Variants in FILIP1L observed in about 807,000 individuals in gnomAD.
The protein encoded by FILIP1L is filamin A-interacting protein 1-like.
FILIP1L carries 55 observed loss-of-function variants against 96.6 expected under a neutral mutation model. The ratio of observed to expected loss-of-function variants is 0.57; its 90% CI spans 0.46 to 0.71. FILIP1L has a LOEUF of 0.71. Among genes scored for constraint, FILIP1L ranks in the 30% least tolerant of loss-of-function variants. FILIP1L has a pLI of 0.00. For synonymous variants in FILIP1L, 467 were observed against 473.9 expected, an observed-to-expected ratio of 0.99 and a Z score of 0.19; for missense variants, 1,304 against 1,321.2, an observed-to-expected ratio of 0.99 and a Z score of 0.20.
chr3:100,019,834 C>T (rs1346946617), intron 1 of FILIP1L, among the ~76,000 whole-genome samples: 1 of 152,076 alleles, frequency 6.6e-6, no homozygotes, highest in Non-Finnish European at 1.5e-5. Context: ...GACTTATTTT[C>T]ATTTTTTTAA....
chr3:100,018,409 T>G (rs1412643062), intron 1 of FILIP1L, among the ~76,000 whole-genome samples: 6 of 152,126 alleles, frequency 3.9e-5, no homozygotes, highest in Admixed American at 3.9e-4. Flanking sequence ...CCACAAAACT[T>G]CAGCATATTT....
At chr3:99,971,300 A>G (rs1708813231) in intron 1 of FILIP1L, among the ~76,000 whole-genome samples, 1 of 150,052 alleles carries the variant, frequency 6.7e-6, no homozygotes. Flanking sequence ...AGATCGTGCC[A>G]CTGCCCACCA....
At chr3:100,014,853 C>A in intron 1 of FILIP1L, among the ~76,000 whole-genome samples, 5 of 125,742 alleles carry the variant, frequency 4.0e-5, no homozygotes, top group Admixed American at 7.9e-5. Context: ...TCTGATGCAA[C>A]ACCATTTGTC....
At chr3:99,983,389 A>AATAAATAAATAAATATATAT (rs1302972402) in intron 1 of FILIP1L, among the ~76,000 whole-genome samples, 1 of 40,788 alleles carries the variant, frequency 2.5e-5, no homozygotes, top group African/African-American at 1.0e-4. Flanking sequence ...TAAATAAATA[A>AATAAATAAATAAATATATAT]ATATATATAT....
At chr3:100,106,013 A>G (rs2066388997) in intron 1 of FILIP1L, among the ~76,000 whole-genome samples, 2 of 152,212 alleles carry the variant, frequency 1.3e-5, no homozygotes, top group African/African-American at 4.8e-5. Flanking sequence ...CTGGGAGTCT[A>G]GAAGTCAAGA....
Position 100,005,182 on chromosome 3 carries a change from C to G in FILIP1L, c.-10-74152G>C, listed in dbSNP as rs936994087. Among the ~76,000 whole-genome samples, 4 of 152,184 alleles carry G rather than the reference C, an allele frequency of 2.6e-5. No homozygotes were observed. The East Asian group carries it at 5.8e-4, about 22-fold the overall frequency. ...ACAACCAGGAAACCTCCCTTTCTTT[C>G]CTGTATTTGTATAGCACCTTGTATT... On this transcript the variant is annotated intron_variant, in intron 1 of 5. Transcript: ENST00000477258.
intron 4 of FILIP1L, among the ~76,000 whole-genome samples, chr3:99,853,219 C>T (rs752593443): frequency 6.6e-6 from 1 of 152,208 alleles, no homozygotes; most frequent in African/African-American, 2.4e-5. Flanking sequence ...TGGCAAAGTG[C>T]TTCTTTCTCC....
At chr3:100,030,885 G>A (rs1043547396) in intron 1 of FILIP1L, among the ~76,000 whole-genome samples, 7 of 152,120 alleles carry the variant, frequency 4.6e-5, no homozygotes, top group African/African-American at 1.7e-4. Flanking sequence ...TTTCTTTACT[G>A]TGCAACTATA....
At chr3:99,994,149 G>T (rs1709603965) in intron 1 of FILIP1L, among the ~76,000 whole-genome samples, 1 of 152,008 alleles carries the variant, frequency 6.6e-6, no homozygotes, top group African/African-American at 2.4e-5. Context: ...ATTCAATCTT[G>T]CTACTCATTA....
At chr3:99,995,126 C>T (rs1709639028) in intron 1 of FILIP1L, among the ~76,000 whole-genome samples, 1 of 152,148 alleles carries the variant, frequency 6.6e-6, no homozygotes, top group Non-Finnish European at 1.5e-5. Flanking sequence ...AAGTCCCTTC[C>T]ACCTATGAGC....
intron 4 of FILIP1L, among the ~76,000 whole-genome samples, chr3:99,865,755 A>AAT (rs57042892): frequency 0.022 from 3,219 of 149,626 alleles, 67 homozygotes; most frequent in African/African-American, 0.055. Flanking sequence ...CATAATAATA[A>AAT]ATATATATAT....
chr3:99,986,536 G>A (rs886243704), intron 1 of FILIP1L, among the ~76,000 whole-genome samples: 4 of 152,256 alleles, frequency 2.6e-5, no homozygotes, highest in Middle Eastern at 3.4e-3. Context: ...CTTATATGAG[G>A]TTGGTAGGTA....
At chr3:99,896,997 G>A (rs1706276362) in intron 4 of FILIP1L, among the ~76,000 whole-genome samples, 1 of 152,190 alleles carries the variant, frequency 6.6e-6, no homozygotes, top group Admixed American at 6.5e-5. Flanking sequence ...GTGCTAGAGA[G>A]AATGATTTGT....
intron 1 of FILIP1L, among the ~76,000 whole-genome samples, chr3:100,053,826 GA>G (rs1195446381): frequency 6.6e-6 from 1 of 152,176 alleles, no homozygotes; most frequent in Non-Finnish European, 1.5e-5. Context: ...AACACATGCT[GA>G]GTCTGTATTA....
Position 100,103,124 on chromosome 3 carries a change from C to T in FILIP1L, c.-11+10929G>A, listed in dbSNP as rs184909840. Among the ~76,000 whole-genome samples, 13 of 152,266 alleles carry T rather than the reference C, an allele frequency of 8.5e-5. 1 individual carries two copies. The South Asian group carries it at 2.1e-3, about 24-fold the overall frequency. On this transcript the variant is annotated intron_variant, in intron 1 of 5. Transcript: ENST00000477258. ...ATACCTTCCCTGACTTTTGTATATT[C>T]CTGTTCACCCTGTGATTGTAGGCCA...
At chr3:100,009,653 G>A (rs890162642) in intron 1 of FILIP1L, among the ~76,000 whole-genome samples, 1 of 152,182 alleles carries the variant, frequency 6.6e-6, no homozygotes, top group Non-Finnish European at 1.5e-5. Flanking sequence ...ACATCTAAGT[G>A]TTAAGGGGAA....
chr3:99,965,681 T>A (rs1165592135), intron 1 of FILIP1L, among the ~76,000 whole-genome samples: 1 of 152,190 alleles, frequency 6.6e-6, no homozygotes, highest in Non-Finnish European at 1.5e-5. Context: ...ATGATAAATA[T>A]CTGAGCCCCC....
intron 4 of FILIP1L, among the ~76,000 whole-genome samples, chr3:99,892,123 G>T (rs985304283): frequency 1.5e-4 from 23 of 152,166 alleles, no homozygotes; most frequent in African/African-American, 5.3e-4. Context: ...GAATATCACT[G>T]GAGTCTCATT....
chr3:100,102,042 C>G (rs1200690649), intron 1 of FILIP1L, among the ~76,000 whole-genome samples: 4 of 152,146 alleles, frequency 2.6e-5, no homozygotes, highest in Non-Finnish European at 5.9e-5. Context: ...TGGCTTGGTT[C>G]CAAGTCTTTG....
Sources: allele counts gnomAD v4.1 joint callset (sites outside exome capture counted in the v4.1 genomes callset), GRCh38; gene constraint gnomAD v4.1.1; transcripts MANE v1.5; gene names NCBI Gene and HGNC (gene_info 2026-07-23, HGNC 2026-07-21).